The following RCBTB1 variants were observed in gnomAD, a reference collection of about 807,000 sequenced individuals.
The protein encoded by RCBTB1 is RCC1 and BTB domain containing protein 1.
Under a neutral mutation model 62.4 loss-of-function variants are expected in RCBTB1, and 46 were observed. That is an observed-to-expected ratio of 0.74 (90% CI 0.58 to 0.94). The LOEUF (loss-of-function observed/expected upper bound fraction) is 0.94. Among genes scored for constraint, RCBTB1 ranks in the 40% least tolerant of loss-of-function variants. The pLI is 0.00. For synonymous variants in RCBTB1, 222 were observed against 245.8 expected (o/e 0.90, Z 0.91); for missense variants, 565 against 654.9 (o/e 0.86, Z 1.50).
intron 2 of RCBTB1, among the ~76,000 whole-genome samples, chr13:49,578,003 T>G (rs1252247393): frequency 6.6e-6 from 1 of 152,214 alleles, no homozygotes; most frequent in African/African-American, 2.4e-5. Flanking sequence ...CGAAAAAAAT[T>G]TATTTATAGT....
chr13:49,563,468 G>C (rs1302247093), intron 4 of RCBTB1, among the ~76,000 whole-genome samples: 1 of 150,752 alleles, frequency 6.6e-6, no homozygotes, highest in Non-Finnish European at 1.5e-5. Context: ...TTCAAGATCA[G>C]CCTGGTCAAC....
chr13:49,541,244 T>C (rs1294461915), intron 11 of RCBTB1, among the ~76,000 whole-genome samples: 3 of 152,174 alleles, frequency 2.0e-5, no homozygotes, highest in Admixed American at 2.0e-4. Context: ...AAAATGCAAT[T>C]TCAATCCTCA....
chr13:49,540,885 A>G lies in RCBTB1; in HGVS notation c.1446T>C (p.Tyr482=), dbSNP rs986152845. Reference sequence around the variant, plus strand: ...TTGTTGTTTAAGTTACCTCTGCATCATATCTGACTGCAGCAGAGAATAGCG... The same window carrying G: ...TTGTTGTTTAAGTTACCTCTGCATCGTATCTGACTGCAGCAGAGAATAGCG... The part of the protein sequence containing the change: ...AFSLFSAAVR[Y]DAEDLEEFCF... Residue 482 remains tyrosine, a synonymous_variant, in exon 12 of 13, where the codon TAT becomes TAC. Coordinates refer to ENST00000378302, the MANE Select transcript of RCBTB1 (RefSeq NM_018191.4). 5.0e-6 allele frequency: 8 copies of G among 1,613,698 alleles called. No homozygotes were observed. The highest frequency in any genetic ancestry group is 2.2e-5 in the East Asian group (1 of 44,858).
rs1016373668 is a variant in RCBTB1 at position 49,549,439 on chromosome 13, T to G, written c.1045+19A>C. ...TAGTACCATTCTTCCTGGGTGGAGG[T>G]GGCCCTGCACTTTCTTACCCACAGA... is the stretch of plus-strand genomic sequence containing the variant. On this transcript the variant is annotated intron_variant, in intron 9 of 12. Transcript: ENST00000378302. The G allele has an allele frequency of 6.3e-7, 1 of 1,586,982 alleles. No individual in the cohort carries two copies. Among genetic ancestry groups the G allele is most frequent in the Admixed American group, 1.7e-5 (1 of 58,238 alleles).
At position 49,533,782 on chromosome 13, in the gene RCBTB1, T is replaced by A. The variant is rs9568241; in HGVS notation, c.*340A>T. On this transcript the variant is annotated 3_prime_UTR_variant, in exon 13 of 13. Transcript: ENST00000378302. Reference sequence around the variant, plus strand: ...ATTGTTGATACGTGGCCCAGGAGAGTTGCTGCCAACTTCCCCTTTCCAAGT... The same window carrying A: ...ATTGTTGATACGTGGCCCAGGAGAGATGCTGCCAACTTCCCCTTTCCAAGT... The A allele has an allele frequency of 0.19, 31,622 of 168,612 alleles. 3,766 individuals are homozygous for A. Among genetic ancestry groups the A allele is most frequent in the East Asian group, 0.4 (2,376 of 5,916 alleles). 10.4% of individuals were successfully genotyped at this position (168,612 alleles called of 1,614,324 possible).
intron 2 of RCBTB1, among the ~76,000 whole-genome samples, chr13:49,578,702 A>G (rs774850970): frequency 8.5e-5 from 13 of 152,262 alleles, no homozygotes; most frequent in Non-Finnish European, 1.6e-4. Context: ...ACAGAAAACA[A>G]TTACACGAAA....
chr13:49,566,916 T>G, intron 3 of RCBTB1, 148 bp from the exon 4 acceptor site: 1 of 851,454 alleles, frequency 1.2e-6, no homozygotes, highest in Non-Finnish European at 1.8e-6. Flanking sequence ...ATTCAACCTC[T>G]GTGGACATTG....
chr13:49,583,445 T>C (rs1048476272), intron 1 of RCBTB1, among the ~76,000 whole-genome samples: 4 of 152,138 alleles, frequency 2.6e-5, no homozygotes, highest in Admixed American at 6.5e-5. Flanking sequence ...AGTTGACTTA[T>C]ATAATTATTT....
intron 1 of RCBTB1, among the ~76,000 whole-genome samples, chr13:49,582,431 G>A (rs1392658126): frequency 1.3e-5 from 2 of 152,152 alleles, no homozygotes; most frequent in African/African-American, 2.4e-5. Flanking sequence ...AGGTTGCAGT[G>A]AGCCAAGATC....
intron 4 of RCBTB1, among the ~76,000 whole-genome samples, chr13:49,563,004 G>A (rs1454986672): frequency 6.6e-6 from 1 of 150,426 alleles, no homozygotes; most frequent in Non-Finnish European, 1.5e-5. Context: ...AATTACACCA[G>A]AGTACAGAAT....
chr13:49,547,852 G>T (rs113721606), intron 9 of RCBTB1, among the ~76,000 whole-genome samples: 1 of 152,058 alleles, frequency 6.6e-6, no homozygotes, highest in Non-Finnish European at 1.5e-5. Flanking sequence ...GCAGTGGTGC[G>T]ACCACAGTTC....
In RCBTB1 at chr13:49,555,127, T is replaced by G. The variant is rs111292170; in HGVS notation, c.603+388A>C. ...CTCCTGTGAACATTCAAGATATAGGTAGGTAGTTCTACAAGGACTTCATCA... is the reference window on the plus strand; with the variant it reads ...CTCCTGTGAACATTCAAGATATAGGGAGGTAGTTCTACAAGGACTTCATCA... On this transcript the variant is annotated intron_variant, in intron 6 of 12. Transcript: ENST00000378302. Among the ~76,000 whole-genome samples, 1,376 of 152,294 alleles carry G rather than the reference T, an allele frequency of 9.0e-3. 22 individuals are homozygous for G. Among genetic ancestry groups the G allele is most frequent in the African/African-American group, 0.032 (1,318 of 41,568 alleles).
chr13:49,541,986 G>A (rs565306431), intron 10 of RCBTB1, among the ~76,000 whole-genome samples, 159 bp from the exon 11 acceptor site: 12 of 152,236 alleles, frequency 7.9e-5, no homozygotes, highest in Admixed American at 2.0e-4. Context: ...GAGGCCAAGC[G>A]GGTAGATCAC....
chr13:49,541,999 G>A (rs1040881446), intron 10 of RCBTB1, among the ~76,000 whole-genome samples, 172 bp from the exon 11 acceptor site: 1 of 152,080 alleles, frequency 6.6e-6, no homozygotes, highest in African/African-American at 2.4e-5. Flanking sequence ...TAGATCACCT[G>A]AGATCAGGAG....
At chr13:49,584,662 C>A (rs1964291304) in intron 1 of RCBTB1, among the ~76,000 whole-genome samples, 1 of 151,948 alleles carries the variant, frequency 6.6e-6, no homozygotes. Flanking sequence ...TTAGTCCTCC[C>A]AAAAAAAGAA....
intron 7 of RCBTB1, 145 bp downstream of exon 7, chr13:49,552,033 G>C (rs1256822916): frequency 3.0e-6 from 2 of 660,266 alleles, no homozygotes; most frequent in East Asian, 5.5e-5. Context: ...TGGGAAATTA[G>C]GGAAGATATA....
chr13:49,539,334 T>C (rs1460455306), intron 12 of RCBTB1: 1 of 152,238 alleles, frequency 6.6e-6, no homozygotes, highest in Non-Finnish European at 1.5e-5. Flanking sequence ...ATCATGTTTA[T>C]ACTTAATATG....
intron 8 of RCBTB1, chr13:49,551,057 C>T (rs1382603528): frequency 3.3e-5 from 12 of 364,300 alleles, no homozygotes; most frequent in African/African-American, 4.5e-5. Flanking sequence ...GAGCCGAGAT[C>T]GTGCCATTGC....
chr13:49,560,945 C>T (rs1016433942), intron 4 of RCBTB1, among the ~76,000 whole-genome samples: 6 of 152,156 alleles, frequency 3.9e-5, no homozygotes, highest in Non-Finnish European at 7.3e-5. Flanking sequence ...CATGCCACCC[C>T]CTCCCAGCAC....
Sources: allele counts gnomAD v4.1 joint callset (sites outside exome capture counted in the v4.1 genomes callset), GRCh38; gene constraint gnomAD v4.1.1; transcripts MANE v1.5; gene names NCBI Gene and HGNC (gene_info 2026-07-23, HGNC 2026-07-21).